Variants in ARAP1 observed in about 807,000 individuals in gnomAD.
ARAP1 encodes the protein arf-GAP with Rho-GAP domain, ANK repeat and PH domain-containing protein 1.
ARAP1 carries 76 observed loss-of-function variants against 172.2 expected under a neutral mutation model. The observed-to-expected ratio is 0.44, with a 90% CI of 0.37 to 0.53. The LOEUF is 0.53. Ranked by LOEUF, ARAP1 falls within the 20% of genes least tolerant of loss-of-function variation. ARAP1 has a pLI of 0.00. For missense variants in ARAP1, 1,686 were observed against 1,977.5 expected (o/e 0.85, Z 2.80); for synonymous variants, 804 against 803.3 (o/e 1.00, Z -0.01).
Position 72,727,082 on chromosome 11 carries a change from C to A in ARAP1, c.47G>T (p.Arg16Leu). 1.3e-6 allele frequency: 2 copies of A among 1,597,320 alleles called. No homozygotes were observed. The highest frequency in any genetic ancestry group is 1.7e-6 in the Non-Finnish European group (2 of 1,167,888). The change falls in exon 3 of 35, where the codon CGG becomes CTG. Residue 16 changes from arginine to leucine, a missense_variant. Around this residue, in one of 5 missense-constraint regions of ARAP1, gnomAD observed 190 missense variants for 228.6 expected, o/e 0.83. Transcript: ENST00000393609. ...DAALSVAEWL[R>L]ALHLEQYTGL... ...CGTGTACTGCTCCAGGTGCAATGCC[C>A]GCAGCCACTCGGCCACCGATAGCGC...
intron 5 of ARAP1, 61 bp from the exon 6 acceptor site, chr11:72,712,629 G>A (rs1857076312): frequency 6.2e-7 from 1 of 1,604,716 alleles, no homozygotes; most frequent in Non-Finnish European, 8.5e-7. Context: ...CACCCACCCG[G>A]GGCTGCCACG....
chr11:72,686,106 G>C lies in ARAP1; in HGVS notation c.4271C>G (p.Pro1424Arg), dbSNP rs753188790. ...CATTTCATTTTCACTACCTCGAAGG[G>C]GGATCAGTGACACACTACCCAGCCG... Reference protein sequence around the residue: ...EVRLGSVSLIPLRGSENEMRR... With the variant: ...EVRLGSVSLIRLRGSENEMRR... Residue 1424 changes from proline to arginine, a missense_variant, in exon 34 of 35, where the codon CCC (proline) becomes CGC (arginine). Transcript: ENST00000393609. 6.2e-7 allele frequency: 1 copy of C among 1,614,090 alleles called. No individual in the cohort carries two copies. The highest frequency in any genetic ancestry group is 2.2e-5 in the East Asian group (1 of 44,886).
At chr11:72,697,740 A>AC (rs1856279568) in intron 19 of ARAP1, 91 bp from the exon 20 acceptor site, 1 of 1,567,284 alleles carries the variant, frequency 6.4e-7, no homozygotes, top group Non-Finnish European at 8.7e-7. Context: ...CACCCTTGAG[A>AC]CCCGCCCACC....
At chr11:72,705,271 G>A (rs1187924673) in intron 13 of ARAP1, 1 of 155,646 alleles carries the variant, frequency 6.4e-6, no homozygotes, top group East Asian at 1.9e-4. Flanking sequence ...ACTGGTACAT[G>A]TGAGTTCACA....
intron 15 of ARAP1, among the ~76,000 whole-genome samples, chr11:72,702,620 C>T (rs951647663): frequency 3.9e-4 from 60 of 152,196 alleles, no homozygotes; most frequent in African/African-American, 1.4e-3. Flanking sequence ...AACACAAATC[C>T]GGGGGGCTCA....
In ARAP1 at chr11:72,686,122, T is replaced by C; in HGVS notation, c.4255A>G (p.Ser1419Gly). The C allele has an allele frequency of 6.2e-7, 1 of 1,613,936 alleles. No homozygotes were observed. The change falls in exon 34 of 35, where the codon AGT (serine) becomes GGT (glycine). Residue 1419 changes from serine (S) to glycine (G), a missense_variant. By Grantham distance (56) the Ser-to-Gly change is moderately conservative (BLOSUM62 0). Transcript: ENST00000393609. ...SRAVPEVRLG[S>G]VSLIPLRGSE... ...CCTCGAAGGGGGATCAGTGACACAC[T>C]ACCCAGCCGGACCTCAGGCACTGCC...
chr11:72,722,225 G>A, intron 3 of ARAP1: 1 of 985,736 alleles, frequency 1.0e-6, no homozygotes, highest in Non-Finnish European at 1.2e-6. Flanking sequence ...GACTCTGTGT[G>A]TCTGTGTGTA....
Position 72,725,901 on chromosome 11 carries a change from A to T in ARAP1, c.509+719T>A, listed in dbSNP as rs1282132852. Among the ~76,000 whole-genome samples, 2 of 152,000 alleles carry T rather than the reference A, an allele frequency of 1.3e-5. No homozygotes were observed. The highest frequency in any genetic ancestry group is 4.8e-5 in the African/African-American group (2 of 41,372). ...GCTCCACCAAATCTCCCTCACCCCAAACACATATCTACCCTGTCTGGGGAT... is the reference window on the plus strand; with the variant it reads ...GCTCCACCAAATCTCCCTCACCCCATACACATATCTACCCTGTCTGGGGAT... On this transcript the variant is annotated intron_variant, in intron 3 of 34. Transcript: ENST00000393609. The surrounding 1 kb of genome is among the most constrained non-coding windows in gnomAD (Gnocchi z 4.3).
chr11:72,718,457 C>T (rs1422732983), intron 3 of ARAP1, among the ~76,000 whole-genome samples: 5 of 152,064 alleles, frequency 3.3e-5, no homozygotes, highest in Non-Finnish European at 7.4e-5. Context: ...CAAGCCTTCA[C>T]ACAGTTTCAT....
chr11:72,733,864 C>T (rs1857935965), intron 1 of ARAP1, among the ~76,000 whole-genome samples: 1 of 152,204 alleles, frequency 6.6e-6, no homozygotes, highest in Non-Finnish European at 1.5e-5. Flanking sequence ...AACTCCGTTG[C>T]CCCAGCTGGA....
chr11:72,718,498 C>T (rs1301572541), intron 3 of ARAP1, among the ~76,000 whole-genome samples: 2 of 152,156 alleles, frequency 1.3e-5, no homozygotes, highest in African/African-American at 4.8e-5. Context: ...CCGTAGCCCA[C>T]AGAAGCCCAC....
chr11:72,732,758 T>A (rs932457380), intron 1 of ARAP1, among the ~76,000 whole-genome samples, 161 bp from the exon 2 acceptor site: 1 of 152,010 alleles, frequency 6.6e-6, no homozygotes, highest in Non-Finnish European at 1.5e-5. Flanking sequence ...GGGAGGCAGG[T>A]GGATTCGAGT....
At chr11:72,707,030 C>T (rs1565218339) in intron 12 of ARAP1, 145 bp downstream of exon 12, 1 of 857,190 alleles carries the variant, frequency 1.2e-6, no homozygotes, top group Middle Eastern at 3.6e-4. Flanking sequence ...CAAAGCTAAT[C>T]ACAGGTGTGC....
rs78607295 is a variant in ARAP1 at position 72,733,212 on chromosome 11, T to C, written c.-127-615A>G. Among the ~76,000 whole-genome samples the C allele has an allele frequency of 7.9e-3, 1,196 of 152,190 alleles. 19 individuals carry two copies. Among genetic ancestry groups the C allele is most frequent in the African/African-American group, 0.027 (1,121 of 41,502 alleles). On this transcript the variant is annotated intron_variant, in intron 1 of 34. Transcript: ENST00000393609. ...TCAGGACTTCCCCACTCTCTGGCCC[T>C]GCAAGACCAGTGCTGGGATGTGTGT...
intron 13 of ARAP1, 121 bp downstream of exon 13, chr11:72,705,684 A>T (rs1169838851): frequency 9.3e-7 from 1 of 1,076,530 alleles, no homozygotes; most frequent in Admixed American, 2.9e-5. Context: ...AGATTATCAC[A>T]AAGGGTCTCT....
intron 22 of ARAP1, 146 bp from the exon 23 acceptor site, chr11:72,696,800 G>C: frequency 1.1e-6 from 1 of 934,722 alleles, no homozygotes; most frequent in South Asian, 1.7e-5. Flanking sequence ...CCAGGGTAAG[G>C]AACTCTCGGT....
chr11:72,706,624 C>T (rs572766728), intron 12 of ARAP1, among the ~76,000 whole-genome samples: 50 of 152,326 alleles, frequency 3.3e-4, no homozygotes, highest in African/African-American at 1.1e-3. Context: ...CAAATGCTCA[C>T]GGCTTCCCCA....
chr11:72,747,756 G>A (rs901916912), intron 1 of ARAP1, among the ~76,000 whole-genome samples: 2 of 152,170 alleles, frequency 1.3e-5, no homozygotes, highest in African/African-American at 4.8e-5. Context: ...TCCACAAGAC[G>A]CTTATCCCAG....
chr11:72,704,114 G>C, intron 14 of ARAP1, 38 bp downstream of exon 14: 1 of 1,612,996 alleles, frequency 6.2e-7, no homozygotes, highest in Non-Finnish European at 8.5e-7. Context: ...GAAAGACGGG[G>C]GTGGTCCCAA....
Sources: gnomAD v4.1 joint callset for allele counts (sites outside exome capture counted in the v4.1 genomes callset) on GRCh38, gnomAD v4.1.1 for gene constraint, gnomAD v4.1.1 regional missense constraint, Gnocchi (gnomAD v3.1) non-coding constraint, MANE v1.5 for transcripts, NCBI Gene and HGNC (gene_info 2026-07-23, HGNC 2026-07-21) for gene names.